Variants in PRKN observed in about 807,000 individuals in gnomAD.
The protein encoded by PRKN is E3 ubiquitin-protein ligase parkin.
In PRKN, 56 loss-of-function variants were observed where a neutral mutation model predicts 59.5. That is an observed-to-expected ratio of 0.94 (90% CI 0.76 to 1.18). The LOEUF is 1.18. Among genes scored for constraint, PRKN ranks in the 50% most tolerant of loss-of-function variants. The pLI is 0.00. For synonymous variants in PRKN, 250 were observed against 222.1 expected (o/e 1.13, Z -1.12); for missense variants, 657 against 596.4 (o/e 1.10, Z -1.06).
chr6:162,030,031 G>T (rs984147560), intron 5 of PRKN, among the ~76,000 whole-genome samples: 1 of 152,040 alleles, frequency 6.6e-6, no homozygotes, highest in Non-Finnish European at 1.5e-5. Context: ...GTAGAGATGG[G>T]CTCTCTCTAT....
chr6:162,110,149 C>T (rs984652541), intron 4 of PRKN, among the ~76,000 whole-genome samples: 11 of 152,066 alleles, frequency 7.2e-5, no homozygotes, highest in African/African-American at 1.2e-4. Context: ...TTGATGTTTA[C>T]GGTAATGTGG....
chr6:162,429,896 C>T (rs908878017), intron 2 of PRKN, among the ~76,000 whole-genome samples: 3 of 152,192 alleles, frequency 2.0e-5, no homozygotes, highest in Middle Eastern at 3.2e-3. Flanking sequence ...GGCTCATCCT[C>T]TTCCCGGTAT....
intron 9 of PRKN, among the ~76,000 whole-genome samples, chr6:161,508,767 C>G (rs962686522): frequency 6.6e-6 from 1 of 152,026 alleles, no homozygotes; most frequent in Non-Finnish European, 1.5e-5. Flanking sequence ...TTTTTTCCCC[C>G]TCAATTAAAC....
chr6:162,703,521 G>A (rs1778231712), intron 1 of PRKN, among the ~76,000 whole-genome samples: 3 of 152,318 alleles, frequency 2.0e-5, no homozygotes, highest in South Asian at 4.1e-4. Flanking sequence ...TGTAACACAA[G>A]CCGGCTCCAA....
intron 6 of PRKN, among the ~76,000 whole-genome samples, chr6:161,844,048 G>A (rs1793099457): frequency 6.6e-6 from 1 of 152,110 alleles, no homozygotes; most frequent in Non-Finnish European, 1.5e-5. Context: ...AAGGCAACAA[G>A]AAAATTTAGA....
intron 1 of PRKN, among the ~76,000 whole-genome samples, chr6:162,681,625 A>C (rs67487119): frequency 0.086 from 13,018 of 152,234 alleles, 696 homozygotes; most frequent in Middle Eastern, 0.18. Flanking sequence ...CCAAGCCTTC[A>C]TTTGCATAGA....
At chr6:162,283,369 TGTGA>T (rs140909614) in intron 2 of PRKN, among the ~76,000 whole-genome samples, 4,156 of 150,308 alleles carry the variant, frequency 0.028, 176 homozygotes, top group African/African-American at 0.095. Context: ...GAAATGTACG[TGTGA>T]GTGTGTGTGT....
chr6:162,369,484 T>TA (rs1408459757), intron 2 of PRKN, among the ~76,000 whole-genome samples: 1 of 152,208 alleles, frequency 6.6e-6, no homozygotes, highest in Non-Finnish European at 1.5e-5. Context: ...ATTTAGATCA[T>TA]TAGCCAATTT....
intron 7 of PRKN, among the ~76,000 whole-genome samples, chr6:161,624,129 G>T (rs1310562123): frequency 6.6e-6 from 1 of 152,144 alleles, no homozygotes; most frequent in Non-Finnish European, 1.5e-5. Flanking sequence ...TTTGACTTTA[G>T]ACAAATTTCT....
chr6:161,724,008 G>A (rs1562634151), intron 7 of PRKN, among the ~76,000 whole-genome samples: 2 of 152,188 alleles, frequency 1.3e-5, no homozygotes, highest in Admixed American at 1.3e-4. Context: ...CTTCCATTGT[G>A]AGTGTGTTTT....
At chr6:161,629,013 G>A (rs1426565598) in intron 7 of PRKN, among the ~76,000 whole-genome samples, 1 of 152,206 alleles carries the variant, frequency 6.6e-6, no homozygotes, top group Non-Finnish European at 1.5e-5. Context: ...AGGCAAAGGA[G>A]TGCAGAAGGC....
rs916951325 is a variant in PRKN at position 161,502,082 on chromosome 6, T to C, written c.1083+46772A>G. ...TCATCTGGGCATAAAAGCTTTTTTA[T>C]GAGTTGTGTTAAAAACTGCTTTTTG... On this transcript the variant is annotated intron_variant, in intron 9 of 11. Transcript: ENST00000366898. The surrounding 1 kb of genome is among the most constrained non-coding windows in gnomAD (Gnocchi z 4.0). Among the ~76,000 whole-genome samples the C allele has an allele frequency of 6.6e-6, 1 of 152,218 alleles. No individual in the cohort carries two copies. The highest frequency in any genetic ancestry group is 1.5e-5 in the Non-Finnish European group (1 of 68,038).
intron 2 of PRKN, among the ~76,000 whole-genome samples, chr6:162,425,215 G>A (rs1037063920): frequency 2.0e-5 from 3 of 151,958 alleles, no homozygotes; most frequent in African/African-American, 4.8e-5. Context: ...TTTTCACAAC[G>A]CTGAAAAATA....
chr6:162,387,792 C>T (rs1186961502), intron 2 of PRKN, among the ~76,000 whole-genome samples: 1 of 152,118 alleles, frequency 6.6e-6, no homozygotes, highest in Non-Finnish European at 1.5e-5. Context: ...CACCTTATTG[C>T]CAGGAAAAGC....
At chr6:161,515,799 C>T (rs1049651677) in intron 9 of PRKN, among the ~76,000 whole-genome samples, 2 of 152,028 alleles carry the variant, frequency 1.3e-5, no homozygotes. Flanking sequence ...GGATTTTAGT[C>T]CATGGCAATC....
chr6:162,271,691 T>A (rs1346781358), intron 2 of PRKN, among the ~76,000 whole-genome samples: 4 of 152,174 alleles, frequency 2.6e-5, no homozygotes, highest in African/African-American at 9.7e-5. Flanking sequence ...AAAAAGGGAA[T>A]TGTTCCCAGT....
At chr6:162,082,234 T>C (rs1182691170) in intron 4 of PRKN, among the ~76,000 whole-genome samples, 1 of 152,082 alleles carries the variant, frequency 6.6e-6, no homozygotes, top group Non-Finnish European at 1.5e-5. Flanking sequence ...AGGGGAACTT[T>C]CCCTGCACAA....
intron 6 of PRKN, among the ~76,000 whole-genome samples, chr6:161,830,416 T>C (rs1456429009): frequency 1.3e-5 from 2 of 152,104 alleles, no homozygotes; most frequent in African/African-American, 4.8e-5. Flanking sequence ...CATGCCGAGC[T>C]AATTTTTTTC....
At chr6:161,929,115 AT>A (rs1322725447) in intron 6 of PRKN, among the ~76,000 whole-genome samples, 1 of 152,220 alleles carries the variant, frequency 6.6e-6, no homozygotes, top group East Asian at 1.9e-4. Flanking sequence ...TGGCATATAT[AT>A]AAATGGAATA....
Sources: gnomAD v4.1 joint callset for allele counts (sites outside exome capture counted in the v4.1 genomes callset) on GRCh38, gnomAD v4.1.1 for gene constraint, Gnocchi (gnomAD v3.1) non-coding constraint, MANE v1.5 for transcripts, NCBI Gene and HGNC (gene_info 2026-07-23, HGNC 2026-07-21) for gene names.